Variants in CAMK1D observed in about 807,000 individuals in gnomAD.
CAMK1D encodes calcium/calmodulin dependent protein kinase ID.
Under a neutral mutation model 47.7 loss-of-function variants are expected in CAMK1D, and 9 were observed. The observed-to-expected ratio is 0.19, with a 90% CI of 0.11 to 0.33. CAMK1D has a LOEUF of 0.33. CAMK1D is among the 10% of genes least tolerant of loss of function. The pLI, the probability that CAMK1D is intolerant of heterozygous loss-of-function variation, is 1.00. For synonymous variants in CAMK1D, 184 were observed against 184.9 expected (o/e 0.99, Z 0.04); for missense variants, 291 against 488.7 (o/e 0.60, Z 3.81).
At chr10:12,377,324 A>G (rs965195166) in intron 1 of CAMK1D, among the ~76,000 whole-genome samples, 1 of 152,242 alleles carries the variant, frequency 6.6e-6, no homozygotes, top group African/African-American at 2.4e-5. Context: ...TGGAAAATTA[A>G]GTCAGATATC....
chr10:12,764,391 A>AAAAAACAAAAAAAC (rs1351970346), intron 4 of CAMK1D, among the ~76,000 whole-genome samples: 1,577 of 151,208 alleles, frequency 0.01, 51 homozygotes, highest in East Asian at 0.056. Context: ...CAAAAAAAAA[A>AAAAAACAAAAAAAC]AAAAAAACAT....
rs571303941 is a variant in CAMK1D at position 12,733,125 on chromosome 10, C to T, written c.300-27823C>T. ...CAGTCCAGAGCAAAGTGGCAGTTTA[C>T]CTTTCTATTCTTATATGGCACCAGT... On this transcript the variant is annotated intron_variant, in intron 3 of 10. Coordinates refer to ENST00000619168, the MANE Select transcript of CAMK1D (RefSeq NM_153498.4). Among the ~76,000 whole-genome samples, 3 of 152,332 alleles carry T rather than the reference C, an allele frequency of 2.0e-5. No homozygotes were observed. The South Asian group carries it at 6.2e-4, about 32-fold the overall frequency.
At chr10:12,624,929 C>A (rs1048906597) in intron 2 of CAMK1D, among the ~76,000 whole-genome samples, 2 of 152,126 alleles carry the variant, frequency 1.3e-5, no homozygotes, top group African/African-American at 4.8e-5. Context: ...ACAGAATCTT[C>A]TCATACCTAT....
chr10:12,695,575 C>A (rs1833257086), intron 3 of CAMK1D, among the ~76,000 whole-genome samples: 1 of 152,164 alleles, frequency 6.6e-6, no homozygotes, highest in African/African-American at 2.4e-5. Context: ...TATTTCACAT[C>A]ACGTAAAAGG....
At chr10:12,570,553 A>C (rs1220066496) in intron 2 of CAMK1D, among the ~76,000 whole-genome samples, 1 of 151,484 alleles carries the variant, frequency 6.6e-6, no homozygotes, top group Non-Finnish European at 1.5e-5. Context: ...GGTGGTGTGC[A>C]CCTGTAATCC....
chr10:12,709,332 T>G (rs1833848534), intron 3 of CAMK1D, among the ~76,000 whole-genome samples: 1 of 152,110 alleles, frequency 6.6e-6, no homozygotes, highest in Non-Finnish European at 1.5e-5. Context: ...GATTTTTTTT[T>G]TTTTCTTGGT....
intron 2 of CAMK1D, among the ~76,000 whole-genome samples, chr10:12,576,758 G>A (rs1413224869): frequency 1.3e-5 from 2 of 152,332 alleles, no homozygotes; most frequent in Non-Finnish European, 2.9e-5. Context: ...CACCTTCCTG[G>A]TGTGCGGCCC....
rs999934207 is a variant in CAMK1D, at chr10:12,425,210, C to A, written c.92+75300C>A. Reference sequence around the variant, plus strand: ...TCTAGGCCTCCACTTAAATCCCATCCCATCTGGGAGACCTTCCCGTTTTCT... The same window carrying A: ...TCTAGGCCTCCACTTAAATCCCATCACATCTGGGAGACCTTCCCGTTTTCT... On this transcript the variant is annotated intron_variant, in intron 1 of 10. Coordinates refer to ENST00000619168, the MANE Select transcript of CAMK1D (RefSeq NM_153498.4). Among the ~76,000 whole-genome samples, 3 of 152,164 alleles carry A rather than the reference C, an allele frequency of 2.0e-5. No individual in the cohort carries two copies. The East Asian group carries it at 5.8e-4, about 29-fold the overall frequency.
chr10:12,819,767 G>A (rs548027769), intron 8 of CAMK1D, among the ~76,000 whole-genome samples: 4 of 152,230 alleles, frequency 2.6e-5, no homozygotes, highest in Non-Finnish European at 5.9e-5. Context: ...GTGTGGGAGC[G>A]TGGCCAGAGG....
intron 2 of CAMK1D, among the ~76,000 whole-genome samples, chr10:12,639,043 T>G (rs17580329): frequency 0.18 from 26,762 of 152,242 alleles, 2,688 homozygotes; most frequent in Non-Finnish European, 0.2. Context: ...AATACATAGC[T>G]CATTCCTGGG....
intron 1 of CAMK1D, among the ~76,000 whole-genome samples, chr10:12,369,517 C>T (rs1428092154): frequency 6.6e-6 from 1 of 152,128 alleles, no homozygotes; most frequent in East Asian, 1.9e-4. Flanking sequence ...GGCTCAGGGA[C>T]AGTGAGCTGG....
intron 4 of CAMK1D, among the ~76,000 whole-genome samples, chr10:12,764,721 C>G (rs942924978): frequency 1.3e-5 from 2 of 152,196 alleles, no homozygotes; most frequent in African/African-American, 4.8e-5. Context: ...ACCATGTGGT[C>G]TTTATGATTC....
chr10:12,659,330 C>T (rs943861754), intron 2 of CAMK1D, among the ~76,000 whole-genome samples: 20 of 152,016 alleles, frequency 1.3e-4, no homozygotes, highest in Admixed American at 4.6e-4. Context: ...GGAGACAGCA[C>T]GGAAAATGGA....
chr10:12,557,402 A>G (rs1836795391), intron 2 of CAMK1D, among the ~76,000 whole-genome samples: 2 of 151,888 alleles, frequency 1.3e-5, no homozygotes, highest in Non-Finnish European at 2.9e-5. Flanking sequence ...ACACAAAAAA[A>G]TTGGCCGGGT....
At chr10:12,651,534 G>C (rs1839964077) in intron 2 of CAMK1D, among the ~76,000 whole-genome samples, 1 of 151,980 alleles carries the variant, frequency 6.6e-6, no homozygotes, top group Admixed American at 6.6e-5. Flanking sequence ...TGGGACCACA[G>C]GCACGTGCCA....
chr10:12,711,142 G>T (rs1450562067), intron 3 of CAMK1D, among the ~76,000 whole-genome samples: 1 of 152,124 alleles, frequency 6.6e-6, no homozygotes, highest in Non-Finnish European at 1.5e-5. Context: ...GTGATTCCAG[G>T]AACAGTTGGG....
At chr10:12,631,681 G>A (rs952799194) in intron 2 of CAMK1D, among the ~76,000 whole-genome samples, 1 of 141,794 alleles carries the variant, frequency 7.1e-6, no homozygotes, top group Admixed American at 7.2e-5. Flanking sequence ...TTGTTCCCAC[G>A]TTAATCCTTT....
intron 2 of CAMK1D, among the ~76,000 whole-genome samples, chr10:12,568,604 T>G: frequency 6.9e-6 from 1 of 145,548 alleles, no homozygotes; most frequent in Non-Finnish European, 1.5e-5. Context: ...TCTTTTTCAG[T>G]ATTCTTTCTT....
intron 2 of CAMK1D, among the ~76,000 whole-genome samples, chr10:12,568,124 CCTT>C (rs1458151082): frequency 3.6e-5 from 2 of 54,862 alleles, no homozygotes; most frequent in African/African-American, 7.8e-5. Flanking sequence ...TTCCTGCCCT[CCTT>C]CCCTCCCTCC....
Sources: allele counts gnomAD v4.1 joint callset (sites outside exome capture counted in the v4.1 genomes callset), GRCh38; gene constraint gnomAD v4.1.1; transcripts MANE v1.5; gene names NCBI Gene and HGNC (gene_info 2026-07-23, HGNC 2026-07-21).